TNFRSF11A: variants seen among roughly 807,000 people sequenced by gnomAD.
The protein encoded by TNFRSF11A is tumor necrosis factor receptor superfamily member 11A.
A neutral mutation model predicts 55.7 loss-of-function variants in TNFRSF11A; 32 were observed. The ratio of observed to expected loss-of-function variants is 0.57; its 90% confidence interval spans 0.43 to 0.77. The LOEUF (loss-of-function observed/expected upper bound fraction) is 0.77, where lower values mean the gene tolerates loss of function less well. Among genes scored for constraint, TNFRSF11A ranks in the 30% least tolerant of loss-of-function variants. The pLI is 0.00. For synonymous variants in TNFRSF11A, 311 were observed against 331.0 expected (o/e 0.94, Z 0.65); for missense variants, 753 against 809.8 (o/e 0.93, Z 0.85).
chr18:62,348,096 C>A, intron 1 of TNFRSF11A, 72 bp from the exon 2 acceptor site: 1 of 1,138,682 alleles, frequency 8.8e-7, no homozygotes, highest in Non-Finnish European at 1.3e-6. Context: ...TGGTGATTCC[C>A]TTTTTGTTTT....
At chr18:62,359,034 G>A (rs1183252739) in intron 5 of TNFRSF11A, among the ~76,000 whole-genome samples, 1 of 152,074 alleles carries the variant, frequency 6.6e-6, no homozygotes, top group Non-Finnish European at 1.5e-5. Context: ...CATGTTTGTT[G>A]TTGCATACCA....
intron 1 of TNFRSF11A, among the ~76,000 whole-genome samples, chr18:62,330,579 C>G (rs2046137248): frequency 6.6e-6 from 1 of 152,056 alleles, no homozygotes; most frequent in South Asian, 2.1e-4. Flanking sequence ...CTGGAGAGGG[C>G]CATGATCAGT....
intron 1 of TNFRSF11A, 149 bp from the exon 2 acceptor site, chr18:62,348,019 A>G (rs1389466483): frequency 1.0e-5 from 7 of 685,630 alleles, no homozygotes; most frequent in African/African-American, 7.2e-5. Flanking sequence ...AGATCACGCC[A>G]TTGCACTCCA....
chr18:62,377,693 G>A lies in TNFRSF11A; in HGVS notation c.1568-7058G>A, dbSNP rs11664074. ...CCTGTTTGCCATCTGGATATCTTTGGTGAGGTGTCTGTTAAGGCCTTGGGT... is the reference window on the plus strand; with the variant it reads ...CCTGTTTGCCATCTGGATATCTTTGATGAGGTGTCTGTTAAGGCCTTGGGT... On this transcript the variant is annotated intron_variant, in intron 9 of 9. Coordinates refer to ENST00000586569, the MANE Select transcript of TNFRSF11A (RefSeq NM_003839.4). Among the ~76,000 whole-genome samples the A allele has an allele frequency of 1.6e-3, 250 of 152,292 alleles. 2 individuals carry two copies. Among genetic ancestry groups the A allele is most frequent in the Middle Eastern group, 6.8e-3 (2 of 294 alleles).
At chr18:62,348,053 C>G (rs925760547) in intron 1 of TNFRSF11A, 115 bp from the exon 2 acceptor site, 3 of 807,990 alleles carry the variant, frequency 3.7e-6, no homozygotes, top group African/African-American at 4.1e-5. Context: ...GAGCGAAACT[C>G]CATTCAAAAA....
intron 9 of TNFRSF11A, among the ~76,000 whole-genome samples, chr18:62,381,925 C>CG (rs1911314589): frequency 3.3e-5 from 5 of 152,086 alleles, no homozygotes; most frequent in African/African-American, 1.2e-4. Context: ...ACTTCTGTTG[C>CG]TGCTACGGTA....
chr18:62,369,445 G>A lies in TNFRSF11A; in HGVS notation c.1528G>A (p.Gly510Arg), dbSNP rs747510807. 1.1e-5 allele frequency: 18 copies of A among 1,609,800 alleles called. No homozygotes were observed. Among genetic ancestry groups the A allele is most frequent in the South Asian group, 2.2e-5 (2 of 91,076 alleles). ...CCCAAGCTCAGCGAGGGCAGGTGCC[G>A]GGTCTGGAAGCTCCCCTGGTGGCCA... ...RLPSSARAGA[G>R]SGSSPGGQSP... Residue 510 changes from glycine (G) to arginine (R), a missense_variant, in exon 9 of 10, where the codon GGG becomes AGG. This residue lies in a region of TNFRSF11A where 567 missense variants were observed against 596.7 expected (regional missense o/e 0.95). Coordinates refer to ENST00000586569, the MANE Select transcript of TNFRSF11A (RefSeq NM_003839.4).
chr18:62,329,165 C>T (rs1207905690), intron 1 of TNFRSF11A, among the ~76,000 whole-genome samples: 4 of 152,182 alleles, frequency 2.6e-5, no homozygotes, highest in Non-Finnish European at 4.4e-5. Context: ...ATCCAGTGGT[C>T]TCTAGGAATG....
rs554669886 is a variant in TNFRSF11A, at chr18:62,389,149, T to G, written c.*4115T>G. The G allele has an allele frequency of 6.6e-5, 10 of 152,402 alleles. No individual in the cohort carries two copies. Among genetic ancestry groups the G allele is most frequent in the Admixed American group, 3.9e-4 (6 of 15,306 alleles). 9.4% of individuals were successfully genotyped at this position (152,402 alleles called of 1,614,324 possible). On this transcript the variant is annotated 3_prime_UTR_variant, in exon 10 of 10. Transcript: ENST00000586569. ...GAGTGTGCTTTTAGTGGCAGGGCCC[T>G]GAGCACCTGGGAAAGGAGATGAGGA...
chr18:62,363,986 G>A (rs934784581), intron 7 of TNFRSF11A, among the ~76,000 whole-genome samples: 4 of 152,026 alleles, frequency 2.6e-5, no homozygotes, highest in East Asian at 3.9e-4. Context: ...TCTCAATATC[G>A]AGCAACACAG....
chr18:62,356,198 A>T lies in TNFRSF11A; in HGVS notation c.427+1664A>T, dbSNP rs148987816. On this transcript the variant is annotated intron_variant, in intron 4 of 9. Transcript: ENST00000586569. ...ATTCCCTTAGAGGCACCTGGTTTTA[A>T]CCCAAAATACTTGGACAGGGTTGGG... Among the ~76,000 whole-genome samples, 505 of 152,334 alleles carry T rather than the reference A, an allele frequency of 3.3e-3. 3 individuals are homozygous for T. The highest frequency in any genetic ancestry group is 0.012 in the African/African-American group (487 of 41,564).
At chr18:62,375,331 T>A (rs964172387) in intron 9 of TNFRSF11A, among the ~76,000 whole-genome samples, 6 of 152,076 alleles carry the variant, frequency 3.9e-5, no homozygotes, top group African/African-American at 1.4e-4. Context: ...AATGTCTGAT[T>A]ATGAAGCTTG....
chr18:62,352,150 A>G (rs931752216), intron 3 of TNFRSF11A, among the ~76,000 whole-genome samples: 1 of 152,232 alleles, frequency 6.6e-6, no homozygotes, highest in African/African-American at 2.4e-5. Context: ...AGGTGGCCCA[A>G]GGTGTTTTGA....
intron 1 of TNFRSF11A, among the ~76,000 whole-genome samples, chr18:62,328,374 AG>A (rs904806421): frequency 5.9e-5 from 9 of 151,308 alleles, no homozygotes; most frequent in African/African-American, 1.5e-4. Flanking sequence ...CTATGTTGGG[AG>A]GATGGTGTGA....
chr18:62,381,591 G>C (rs373608231), intron 9 of TNFRSF11A, among the ~76,000 whole-genome samples: 1 of 152,180 alleles, frequency 6.6e-6, no homozygotes, highest in African/African-American at 2.4e-5. Context: ...CGATGATGTC[G>C]TAGTGAGAAC....
Position 62,384,997 on chromosome 18 carries a change from C to T in TNFRSF11A, c.1814C>T (p.Ser605Leu), listed in dbSNP as rs985196653. 2.4e-5 allele frequency: 35 copies of T among 1,475,772 alleles called. No individual in the cohort carries two copies. Among genetic ancestry groups the T allele is most frequent in the Non-Finnish European group, 2.9e-5 (33 of 1,123,548 alleles). The allele number at this position is 1,475,772 out of a possible 1,614,324, so 91.4% of individuals were successfully genotyped here. The change falls in exon 10 of 10, where the codon TCG (serine) becomes TTG (leucine). Residue 605 changes from serine to leucine, a missense_variant. Around this residue, in one of 3 missense-constraint regions of TNFRSF11A, gnomAD observed 567 missense variants for 596.7 expected, o/e 0.95. Coordinates refer to ENST00000586569, the MANE Select transcript of TNFRSF11A (RefSeq NM_003839.4). ...PEGLREPEKA[S>L]RPVQEQGGAK... ...GGGCTGCGGGAGCCGGAGAAGGCCT[C>T]GAGGCCGGTGCAGGAGCAAGGCGGG...
chr18:62,370,847 T>G (rs77024060), intron 9 of TNFRSF11A, among the ~76,000 whole-genome samples: 4 of 122,042 alleles, frequency 3.3e-5, no homozygotes, highest in Admixed American at 1.8e-4. Flanking sequence ...TTTTTTTTTT[T>G]GAGACCAAGT....
At chr18:62,336,832 C>T (rs1319717013) in intron 1 of TNFRSF11A, 4 of 152,188 alleles carry the variant, frequency 2.6e-5, no homozygotes, top group East Asian at 1.9e-4. Context: ...AGTTTTGAAA[C>T]GCAAGCTTGT....
chr18:62,375,634 C>T (rs545960751), intron 9 of TNFRSF11A, among the ~76,000 whole-genome samples: 2 of 152,262 alleles, frequency 1.3e-5, no homozygotes, highest in South Asian at 4.1e-4. Context: ...TCTTATTCCT[C>T]ACAGAAATTC....
Sources: allele counts gnomAD v4.1 joint callset (sites outside exome capture counted in the v4.1 genomes callset), GRCh38; gene constraint gnomAD v4.1.1; regional missense constraint gnomAD v4.1.1; transcripts MANE v1.5; gene names NCBI Gene and HGNC (gene_info 2026-07-23, HGNC 2026-07-21).